Variants in VGLL4 observed in about 807,000 individuals in gnomAD.
VGLL4 encodes vestigial like family member 4.
In VGLL4, 7 loss-of-function variants were observed where a neutral mutation model predicts 21.0. That is an observed-to-expected ratio of 0.33 (90% CI 0.19 to 0.63). The LOEUF (loss-of-function observed/expected upper bound fraction) is 0.63. Among genes scored for constraint, VGLL4 ranks in the 20% least tolerant of loss-of-function variants. The pLI is 0.78. For missense variants in VGLL4, 394 were observed against 425.7 expected, an observed-to-expected ratio of 0.93 and a Z score of 0.66; for synonymous variants, 222 against 173.2, an observed-to-expected ratio of 1.28 and a Z score of -2.21.
At chr3:11,694,140 C>T (rs1274453646) in intron 2 of VGLL4, among the ~76,000 whole-genome samples, 2 of 152,200 alleles carry the variant, frequency 1.3e-5, no homozygotes. Context: ...TGAGATGATA[C>T]TGTAATCCTT....
chr3:11,645,936 C>T (rs905742134), upstream of VGLL4, among the ~76,000 whole-genome samples: 7 of 152,136 alleles, frequency 4.6e-5, no homozygotes, highest in African/African-American at 1.7e-4. Flanking sequence ...TGTGCCACTG[C>T]ACTCCAGCCT....
chr3:11,571,558 T>C (rs1408003758), intron 2 of VGLL4, among the ~76,000 whole-genome samples: 2 of 151,808 alleles, frequency 1.3e-5, no homozygotes, highest in African/African-American at 2.4e-5. Flanking sequence ...GTAGCGCCTG[T>C]AATCCCAGCT....
At chr3:11,559,132 C>A (rs139047771) in intron 4 of VGLL4, among the ~76,000 whole-genome samples, 200 bp downstream of exon 4, 1 of 152,228 alleles carries the variant, frequency 6.6e-6, no homozygotes, top group African/African-American at 2.4e-5. Flanking sequence ...TGGAACTGAG[C>A]GAGGCGGTGT....
At chr3:11,618,515 AT>A (rs985522775) in intron 1 of VGLL4, among the ~76,000 whole-genome samples, 2 of 152,218 alleles carry the variant, frequency 1.3e-5, no homozygotes, top group Non-Finnish European at 2.9e-5. Flanking sequence ...GGTGTTCAGC[AT>A]AACCAAAGAA....
chr3:11,672,389 T>C (rs1238200332), intron 2 of VGLL4, among the ~76,000 whole-genome samples: 2 of 152,022 alleles, frequency 1.3e-5, no homozygotes, highest in East Asian at 1.9e-4. Context: ...TTTTTTTTAA[T>C]CCTGTTGCAA....
chr3:11,564,664 C>CCCT (rs1258457811), intron 3 of VGLL4, 133 bp downstream of exon 3: 2 of 1,073,906 alleles, frequency 1.9e-6, no homozygotes, highest in East Asian at 5.3e-5. Flanking sequence ...AGGGTGGCAT[C>CCCT]CCTCACCACC....
At chr3:11,691,939 A>C (rs1311757452) in intron 2 of VGLL4, among the ~76,000 whole-genome samples, 1 of 147,700 alleles carries the variant, frequency 6.8e-6, no homozygotes, top group East Asian at 2.1e-4. Flanking sequence ...TGACTCTCAA[A>C]GTGGAGAGAG....
chr3:11,568,719 C>T lies in VGLL4; in HGVS notation c.273-3700G>A, dbSNP rs1035942011. ...CTGCTTCCCAGGCGTCATGTGCTCC[C>T]GGGGACGGCAGAAAACCGCACGCAT... is the stretch of plus-strand genomic sequence containing the variant. On this transcript the variant is annotated intron_variant, in intron 2 of 4. Transcript: ENST00000430365. The surrounding 1 kb of genome is among the most constrained non-coding windows in gnomAD (Gnocchi z 5.9). 2.0e-5 allele frequency: 31 copies of T among 1,545,242 alleles called. No homozygotes were observed. Among genetic ancestry groups the T allele is most frequent in the South Asian group, 1.9e-4 (16 of 83,392 alleles).
At chr3:11,717,646 C>A (rs942151407) in intron 1 of VGLL4, among the ~76,000 whole-genome samples, 1 of 151,950 alleles carries the variant, frequency 6.6e-6, no homozygotes, top group Non-Finnish European at 1.5e-5. Flanking sequence ...CGGCCCAGAA[C>A]ATTTAAAAGT....
intron 2 of VGLL4, among the ~76,000 whole-genome samples, chr3:11,589,885 C>T (rs2074445054): frequency 6.6e-6 from 1 of 152,228 alleles, no homozygotes; most frequent in Admixed American, 6.5e-5. Flanking sequence ...CCCTCATCAC[C>T]TCCCAAAGGC....
chr3:11,582,381 C>T, intron 2 of VGLL4: 1 of 1,561,104 alleles, frequency 6.4e-7, no homozygotes, highest in Non-Finnish European at 8.7e-7. Context: ...GTCTCAGGCA[C>T]AAAACTGGAT....
At chr3:11,669,889 C>T (rs952433970) in intron 2 of VGLL4, among the ~76,000 whole-genome samples, 9 of 152,094 alleles carry the variant, frequency 5.9e-5, no homozygotes, top group South Asian at 2.1e-4. Flanking sequence ...TTCCTGGCCT[C>T]GAGTGATCTT....
At chr3:11,583,011 G>A (rs1305213719) in intron 2 of VGLL4, among the ~76,000 whole-genome samples, 1 of 152,214 alleles carries the variant, frequency 6.6e-6, no homozygotes, top group Admixed American at 6.5e-5. Context: ...GGTGCAAGAA[G>A]TTGCTAAGTC....
chr3:11,664,145 G>A (rs1217787996), intron 2 of VGLL4, among the ~76,000 whole-genome samples: 9 of 152,156 alleles, frequency 5.9e-5, no homozygotes, highest in African/African-American at 2.2e-4. Flanking sequence ...GGCTGAGGCA[G>A]GAGAATAGCT....
At chr3:11,570,540 A>G (rs2073735310) in intron 2 of VGLL4, among the ~76,000 whole-genome samples, 1 of 152,210 alleles carries the variant, frequency 6.6e-6, no homozygotes. Context: ...ACGGGTGACC[A>G]CATACCAGAT....
chr3:11,652,041 A>C (rs1443483672), intron 2 of VGLL4, among the ~76,000 whole-genome samples: 1 of 152,202 alleles, frequency 6.6e-6, no homozygotes, highest in Non-Finnish European at 1.5e-5. Flanking sequence ...GTAATATAAG[A>C]TTTTAACACA....
At chr3:11,671,841 T>C (rs928347675) in intron 2 of VGLL4, among the ~76,000 whole-genome samples, 1 of 152,218 alleles carries the variant, frequency 6.6e-6, no homozygotes, top group Admixed American at 6.5e-5. Flanking sequence ...TTGCATTTTT[T>C]AAAAAAGAAT....
chr3:11,633,713 G>A (rs924733143), intron 1 of VGLL4: 4 of 152,076 alleles, frequency 2.6e-5, no homozygotes, highest in Non-Finnish European at 5.9e-5. Context: ...GAGGAGAGGA[G>A]GGTCACTTTC....
In VGLL4 at chr3:11,568,649, T is replaced by C. The variant is rs374455945; in HGVS notation, c.273-3630A>G. ...GGTTCCCGGAGCTTCAAGACAGACA[T>C]TGTTTTCCAGGCCCCGCTCGCCCGG... is the stretch of plus-strand genomic sequence containing the variant. On this transcript the variant is annotated intron_variant, in intron 2 of 4. Transcript: ENST00000430365. This position sits in a 1 kb window ranked among gnomAD's most constrained non-coding sequence, Gnocchi z 5.9. The C allele has an allele frequency of 9.6e-6, 15 of 1,566,710 alleles. No homozygotes were observed. Among genetic ancestry groups the C allele is most frequent in the African/African-American group, 1.4e-5 (1 of 73,826 alleles).
Sources: allele counts gnomAD v4.1 joint callset (sites outside exome capture counted in the v4.1 genomes callset), GRCh38; gene constraint gnomAD v4.1.1; non-coding constraint Gnocchi (gnomAD v3.1); transcripts MANE v1.5; gene names NCBI Gene and HGNC (gene_info 2026-07-23, HGNC 2026-07-21).